The following CAPN1 variants were observed in gnomAD, a reference collection of about 807,000 sequenced individuals.
CAPN1 encodes the protein calpain-1 catalytic subunit.
A neutral mutation model predicts 105.2 loss-of-function variants in CAPN1; 77 were observed. That is an observed-to-expected ratio of 0.73 (90% CI 0.61 to 0.88). The LOEUF (loss-of-function observed/expected upper bound fraction) is 0.88, where lower values mean the gene tolerates loss of function less well. Ranked by LOEUF, CAPN1 falls within the 40% of genes least tolerant of loss-of-function variation. The pLI is 0.00. For synonymous variants in CAPN1, 355 were observed against 388.8 expected, an observed-to-expected ratio of 0.91 and a Z score of 1.02; for missense variants, 833 against 976.6, an observed-to-expected ratio of 0.85 and a Z score of 1.96.
chr11:65,184,886 T>C (rs1158805621), intron 4 of CAPN1, among the ~76,000 whole-genome samples: 1 of 152,204 alleles, frequency 6.6e-6, no homozygotes, highest in African/African-American at 2.4e-5. Flanking sequence ...AAGGCACCGC[T>C]GCTCCTTTTT....
rs1949051585 is a variant in CAPN1, at chr11:65,211,660, A to T, written c.*374A>T. 1 of 337,832 alleles carries T rather than the reference A, an allele frequency of 3.0e-6. No homozygotes were observed. Among genetic ancestry groups the T allele is most frequent in the Non-Finnish European group, 5.7e-6 (1 of 176,296 alleles). The allele number at this position is 337,832 out of a possible 1,614,324, so 20.9% of individuals were successfully genotyped here. On this transcript the variant is annotated 3_prime_UTR_variant, in exon 22 of 22. Coordinates refer to ENST00000279247, the MANE Select transcript of CAPN1 (RefSeq NM_005186.4). The stretch of plus-strand genomic sequence containing the variant: ...ACCACCGGCCTGGCCTTGCCTGCAG[A>T]CTATAAACTATAACCACTAGCTCGA...
rs772374106 is a variant in CAPN1, at chr11:65,211,297, C to T, written c.*11C>T. On this transcript the variant is annotated 3_prime_UTR_variant, in exon 22 of 22. Coordinates refer to ENST00000279247, the MANE Select transcript of CAPN1 (RefSeq NM_005186.4). ...ACCATGTTTGCATGAGGCAGGGACTCGGTCCCCCTTGCCGTGCTCCCCTCC... is the reference window on the plus strand; with the variant it reads ...ACCATGTTTGCATGAGGCAGGGACTTGGTCCCCCTTGCCGTGCTCCCCTCC... 2.0e-5 allele frequency: 33 copies of T among 1,611,864 alleles called. No individual in the cohort carries two copies. The highest frequency in any genetic ancestry group is 1.6e-4 in the Middle Eastern group (1 of 6,082).
intron 10 of CAPN1, among the ~76,000 whole-genome samples, chr11:65,200,550 G>C (rs1948853169): frequency 6.6e-6 from 1 of 152,062 alleles, no homozygotes; most frequent in Non-Finnish European, 1.5e-5. Context: ...TCACCATCTT[G>C]GCCAGGCTGG....
chr11:65,183,206 C>T lies in CAPN1; in HGVS notation c.337+9C>T. 4 of 1,613,644 alleles carry T rather than the reference C, an allele frequency of 2.5e-6. No individual in the cohort carries two copies. The highest frequency in any genetic ancestry group is 3.4e-6 in the Non-Finnish European group (4 of 1,179,580). The stretch of plus-strand genomic sequence containing the variant: ...CTGCCAGGGAGCACTGGGTAGGCCC[C>T]CAGGGCGTCGGGTCCCGGGTATTTT... On this transcript the variant is annotated intron_variant, in intron 3 of 21. Transcript: ENST00000279247.
chr11:65,193,147 A>AT (rs762975839), intron 10 of CAPN1, among the ~76,000 whole-genome samples: 2,570 of 129,336 alleles, frequency 0.02, 63 homozygotes, highest in African/African-American at 0.056. Flanking sequence ...CGCCTGGCTA[A>AT]TTTTTTTTTT....
At chr11:65,194,542 C>T (rs904991010) in intron 10 of CAPN1, among the ~76,000 whole-genome samples, 1 of 152,108 alleles carries the variant, frequency 6.6e-6, no homozygotes, top group Non-Finnish European at 1.5e-5. Flanking sequence ...AGCATTTCTT[C>T]ACCGCCCCCA....
chr11:65,194,998 G>T (rs1311897326), intron 10 of CAPN1, among the ~76,000 whole-genome samples: 1 of 151,920 alleles, frequency 6.6e-6, no homozygotes, highest in Non-Finnish European at 1.5e-5. Context: ...AACATGTGAG[G>T]GTTCTGATTT....
chr11:65,202,442 G>A (rs588450), intron 10 of CAPN1, among the ~76,000 whole-genome samples: 59,266 of 150,232 alleles, frequency 0.39, 12,491 homozygotes, highest in Middle Eastern at 0.49. Flanking sequence ...TTATTTATTT[G>A]TTTGTTTGTT....
Position 65,210,518 on chromosome 11 carries a change from G to GAC in CAPN1, c.2059+66_2059+67insAC. On this transcript the variant is annotated intron_variant, in intron 20 of 21. Coordinates refer to ENST00000279247, the MANE Select transcript of CAPN1 (RefSeq NM_005186.4). The surrounding 1 kb of genome is among the most constrained non-coding windows in gnomAD (Gnocchi z 4.3). ...CAAACGCGTCCCCCAGGAGCTGGGG[G>GAC]GAATGACAGATGGGTGAATTAGCAG... 1 of 968,376 alleles carries GAC rather than the reference G, an allele frequency of 1.0e-6. No homozygotes were observed. The highest frequency in any genetic ancestry group is 1.6e-6 in the Non-Finnish European group (1 of 612,940). The allele number at this position is 968,376 out of a possible 1,614,324, so 60.0% of individuals were successfully genotyped here. A position where few individuals can be genotyped will look rare whatever the true frequency, so the allele number is the denominator to read the frequency against.
At chr11:65,200,927 C>G (rs1458996045) in intron 10 of CAPN1, among the ~76,000 whole-genome samples, 2 of 137,522 alleles carry the variant, frequency 1.5e-5, no homozygotes, top group Admixed American at 7.5e-5. Flanking sequence ...TGCCACCATG[C>G]CTGGCTTTTT....
intron 4 of CAPN1, among the ~76,000 whole-genome samples, chr11:65,184,797 C>T (rs948399003): frequency 1.3e-5 from 2 of 152,178 alleles, no homozygotes; most frequent in Admixed American, 6.5e-5. Flanking sequence ...TCCACCTCTC[C>T]GTGCCTGAGG....
At chr11:65,201,810 G>T (rs1310698718) in intron 10 of CAPN1, among the ~76,000 whole-genome samples, 2 of 147,886 alleles carry the variant, frequency 1.4e-5, no homozygotes. Context: ...GAGCCACCGC[G>T]CCCGGCTTTT....
chr11:65,200,771 T>A (rs763957275), intron 10 of CAPN1, among the ~76,000 whole-genome samples: 6 of 151,350 alleles, frequency 4.0e-5, no homozygotes, highest in African/African-American at 7.3e-5. Context: ...GGGACTATGA[T>A]AGAGACACAC....
At position 65,188,035 on chromosome 11, in the gene CAPN1, C is replaced by G; in HGVS notation, c.924C>G (p.Ser308Arg). 1 of 1,557,244 alleles carries G rather than the reference C, an allele frequency of 6.4e-7. No homozygotes were observed. Among genetic ancestry groups the G allele is most frequent in the Middle Eastern group, 1.7e-4 (1 of 5,948 alleles). Residue 308 changes from serine (S) to arginine (R), a missense_variant, in exon 8 of 22, where the codon AGC (serine) becomes AGG (arginine). Ser to Arg is a moderately radical substitution (Grantham distance 110, BLOSUM62 -1). Transcript: ENST00000279247. This position sits in a 1 kb window ranked among gnomAD's most constrained non-coding sequence, Gnocchi z 5.5. The part of the protein sequence containing the change: ...WGEVEWTGAW[S>R]DSSSEWNNVD... ...AGGTGGAGTGGACGGGAGCCTGGAG[C>G]GACAGGTGAGGGGCAGTGGGCACTG...
chr11:65,188,507 T>A lies in CAPN1; in HGVS notation c.1004+19T>A, dbSNP rs773411012. 2 of 1,612,820 alleles carry A rather than the reference T, an allele frequency of 1.2e-6. No individual in the cohort carries two copies. The highest frequency in any genetic ancestry group is 1.7e-6 in the Non-Finnish European group (2 of 1,179,280). ...AGTTCTGGTGAGCGCCCCCTCCCCTTCTACCCCACCTCTCCACCCCTACAC... is the reference window on the plus strand; with the variant it reads ...AGTTCTGGTGAGCGCCCCCTCCCCTACTACCCCACCTCTCCACCCCTACAC... On this transcript the variant is annotated intron_variant, in intron 9 of 21. Coordinates refer to ENST00000279247, the MANE Select transcript of CAPN1 (RefSeq NM_005186.4). The surrounding 1 kb of genome is among the most constrained non-coding windows in gnomAD (Gnocchi z 5.5).
intron 1 of CAPN1, 130 bp downstream of exon 1, chr11:65,182,143 C>G (rs1948544097): frequency 6.5e-6 from 1 of 154,928 alleles, no homozygotes; most frequent in Non-Finnish European, 1.4e-5. Context: ...GCTGGCGGAG[C>G]GGCACAGCCC....
In CAPN1 at chr11:65,208,421, ACTC is replaced by A; in HGVS notation, c.1729+168_1729+170del. ...CAGTTCCCTGCCATTTCCATCCCAT[ACTC>A]CTCCTCCTGACCTGCCATCCTGATA... On this transcript the variant is annotated intron_variant, in intron 16 of 21. Coordinates refer to ENST00000279247, the MANE Select transcript of CAPN1 (RefSeq NM_005186.4). The surrounding 1 kb of genome is among the most constrained non-coding windows in gnomAD (Gnocchi z 4.1). 3 of 698,422 alleles carry A rather than the reference ACTC, an allele frequency of 4.3e-6. No homozygotes were observed. Among genetic ancestry groups the A allele is most frequent in the Non-Finnish European group, 2.5e-6 (1 of 398,490 alleles). 43.3% of individuals were successfully genotyped at this position (698,422 alleles called of 1,614,324 possible).
intron 10 of CAPN1, among the ~76,000 whole-genome samples, chr11:65,193,115 G>A (rs1948741864): frequency 6.6e-6 from 1 of 150,858 alleles, no homozygotes; most frequent in African/African-American, 2.4e-5. Flanking sequence ...CGAGTAGCTG[G>A]GACTACAGGT....
At position 65,204,700 on chromosome 11, in the gene CAPN1, C is replaced by G. The variant is rs745574804; in HGVS notation, c.1183C>G (p.Pro395Ala). 1 of 1,612,282 alleles carries G rather than the reference C, an allele frequency of 6.2e-7. No homozygotes were observed. Among genetic ancestry groups the G allele is most frequent in the South Asian group, 1.1e-5 (1 of 91,076 alleles). ...GCCCGCAGCCACCTTCTGGGTGAAC[C>G]CTCAGTTCAAGATCCGGCTGGATGA... ...RNYPATFWVN[P>A]QFKIRLDETD... Residue 395 changes from proline to alanine, a missense_variant, in exon 11 of 22, where the codon CCT (proline) becomes GCT (alanine). Coordinates refer to ENST00000279247, the MANE Select transcript of CAPN1 (RefSeq NM_005186.4).
Sources: allele counts gnomAD v4.1 joint callset (sites outside exome capture counted in the v4.1 genomes callset), GRCh38; gene constraint gnomAD v4.1.1; non-coding constraint Gnocchi (gnomAD v3.1); transcripts MANE v1.5; gene names NCBI Gene and HGNC (gene_info 2026-07-23, HGNC 2026-07-21).